The following GPATCH1 variants were observed in gnomAD, a reference collection of about 807,000 sequenced individuals.
The protein encoded by GPATCH1 is G patch domain-containing protein 1.
GPATCH1 carries 73 observed loss-of-function variants against 114.9 expected under a neutral mutation model. The ratio of observed to expected loss-of-function variants is 0.64; its 90% CI spans 0.53 to 0.77. The LOEUF (loss-of-function observed/expected upper bound fraction) is 0.77. Among genes scored for constraint, GPATCH1 ranks in the 30% least tolerant of loss-of-function variants. The probability of loss-of-function intolerance (pLI) is 0.00; values close to 1 mark genes in which losing one functional copy is unlikely to be tolerated. For synonymous variants in GPATCH1, 391 were observed against 428.4 expected (o/e 0.91, Z 1.08); for missense variants, 1,058 against 1,144.3 (o/e 0.92, Z 1.09).
intron 17 of GPATCH1, among the ~76,000 whole-genome samples, chr19:33,123,750 A>T (rs556472399): frequency 3.5e-4 from 53 of 152,278 alleles, no homozygotes; most frequent in African/African-American, 6.3e-4. Flanking sequence ...CCTAAAAAAA[A>T]AAATAAATAA....
At chr19:33,125,717 A>G (rs1973034040) in intron 18 of GPATCH1, among the ~76,000 whole-genome samples, 1 of 152,204 alleles carries the variant, frequency 6.6e-6, no homozygotes. Flanking sequence ...AGCAGAAAAA[A>G]GGGCATTTAG....
intron 17 of GPATCH1, among the ~76,000 whole-genome samples, chr19:33,120,467 T>G (rs1208914926): frequency 1.4e-5 from 2 of 145,612 alleles, no homozygotes; most frequent in African/African-American, 5.1e-5. Context: ...CATTTGAACC[T>G]GAGAGGCAAA....
intron 19 of GPATCH1, among the ~76,000 whole-genome samples, chr19:33,128,566 A>C (rs1973068684): frequency 6.6e-6 from 1 of 151,980 alleles, no homozygotes; most frequent in South Asian, 2.1e-4. Context: ...GGCCTAAAAA[A>C]ATCTTTTTTG....
chr19:33,119,244 T>A, intron 17 of GPATCH1, 127 bp downstream of exon 17: 1 of 526,292 alleles, frequency 1.9e-6, no homozygotes. Flanking sequence ...TCAGTCATAT[T>A]TTAAACCCGT....
chr19:33,094,463 A>C (rs1972633046), intron 5 of GPATCH1, among the ~76,000 whole-genome samples, 194 bp downstream of exon 5: 1 of 152,176 alleles, frequency 6.6e-6, no homozygotes, highest in Non-Finnish European at 1.5e-5. Flanking sequence ...GGCATGTGCC[A>C]CTGCGCCAGG....
At chr19:33,089,915 C>T (rs551246925) in intron 2 of GPATCH1, among the ~76,000 whole-genome samples, 2 of 151,664 alleles carry the variant, frequency 1.3e-5, no homozygotes, top group South Asian at 4.2e-4. Flanking sequence ...CCACCATGCC[C>T]GGCCTTACCA....
intron 15 of GPATCH1, among the ~76,000 whole-genome samples, chr19:33,116,180 C>T (rs1972914361): frequency 1.3e-5 from 2 of 152,156 alleles, no homozygotes; most frequent in Admixed American, 6.5e-5. Flanking sequence ...TCCCTCTATG[C>T]TGTCTTACAT....
At chr19:33,094,686 C>CCCT (rs1972635628) in intron 5 of GPATCH1, among the ~76,000 whole-genome samples, 1 of 152,256 alleles carries the variant, frequency 6.6e-6, no homozygotes, top group African/African-American at 2.4e-5. Context: ...ATGTTTCCTA[C>CCCT]CCTCCCCCAA....
intron 7 of GPATCH1, among the ~76,000 whole-genome samples, chr19:33,096,696 T>G (rs1972664187): frequency 6.6e-6 from 1 of 152,092 alleles, no homozygotes; most frequent in East Asian, 1.9e-4. Flanking sequence ...TGGTGCGATC[T>G]TGGCTTACTG....
intron 4 of GPATCH1, 98 bp downstream of exon 4, chr19:33,093,617 C>A: frequency 1.8e-6 from 2 of 1,112,432 alleles, no homozygotes; most frequent in South Asian, 1.5e-5. Flanking sequence ...GTGAGACAAG[C>A]CTTCTTAGGC....
intron 2 of GPATCH1, 119 bp downstream of exon 2, chr19:33,088,387 C>A: frequency 1.4e-6 from 1 of 738,174 alleles, no homozygotes; most frequent in Non-Finnish European, 2.2e-6. Context: ...CTCTGTCGCC[C>A]AGGCTGGAGT....
intron 14 of GPATCH1, 31 bp from the exon 15 acceptor site, chr19:33,114,222 C>T (rs1333677616): frequency 6.3e-7 from 1 of 1,575,816 alleles, no homozygotes; most frequent in Non-Finnish European, 8.7e-7. Context: ...CTTGCTAATG[C>T]TGGAGTTTAT....
Position 33,109,765 on chromosome 19 carries a change from G to T in GPATCH1, c.1334G>T (p.Arg445Ile). Reference sequence around the variant, plus strand: ...TTTCTGTCCCAAAAAGACAAAGAGAGAATCAAAGAAATGAAGCAGGCAACT... The same window carrying T: ...TTTCTGTCCCAAAAAGACAAAGAGATAATCAAAGAAATGAAGCAGGCAACT... ...LEFLSQKDKERIKEMKQATDL... is the reference protein window; with the variant it reads ...LEFLSQKDKEIIKEMKQATDL... The change falls in exon 11 of 20, where the codon AGA (arginine) becomes ATA (isoleucine). Residue 445 changes from arginine (R) to isoleucine (I), a missense_variant. Transcript: ENST00000170564. 6.3e-7 allele frequency: 1 copy of T among 1,598,740 alleles called. No homozygotes were observed. The highest frequency in any genetic ancestry group is 2.2e-5 in the East Asian group (1 of 44,632).
rs1445366672 is a variant in GPATCH1, at chr19:33,126,451, ACTCT to A, written c.2620-135_2620-132del. 6 of 1,289,134 alleles carry A rather than the reference ACTCT, an allele frequency of 4.7e-6. No individual in the cohort carries two copies. The Admixed American group carries it at 1.6e-4, about 34-fold the overall frequency. 79.9% of individuals were successfully genotyped at this position (1,289,134 alleles called of 1,614,324 possible). A position where few individuals can be genotyped will look rare whatever the true frequency, so the allele number is the denominator to read the frequency against. ...CCCTGTGCTGTCTTGTTAGGCTCTC[ACTCT>A]CACTCACTCTAAATGAGGTTTAAAC... is the stretch of plus-strand genomic sequence containing the variant. On this transcript the variant is annotated intron_variant, in intron 18 of 19. Transcript: ENST00000170564.
intron 5 of GPATCH1, among the ~76,000 whole-genome samples, chr19:33,094,498 G>A (rs145604530): frequency 6.6e-6 from 1 of 152,132 alleles, no homozygotes; most frequent in African/African-American, 2.4e-5. Flanking sequence ...TTTTTGTAGA[G>A]ACGGGGTTTT....
chr19:33,093,826 TTCTGTGTATC>T (rs1238340069), intron 4 of GPATCH1, among the ~76,000 whole-genome samples: 1 of 152,160 alleles, frequency 6.6e-6, no homozygotes, highest in East Asian at 1.9e-4. Flanking sequence ...TACCCTCACT[TTCTGTGTATC>T]TCCTTGTGCT....
chr19:33,118,234 G>A (rs1972938558), intron 16 of GPATCH1, among the ~76,000 whole-genome samples, 193 bp downstream of exon 16: 1 of 143,726 alleles, frequency 7.0e-6, no homozygotes, highest in Non-Finnish European at 1.5e-5. Flanking sequence ...GTGGAGTACA[G>A]TGGCGCAATC....
At position 33,101,426 on chromosome 19, in the gene GPATCH1, A is replaced by G. The variant is rs528921490; in HGVS notation, c.1001-69A>G. On this transcript the variant is annotated intron_variant, in intron 8 of 19. Coordinates refer to ENST00000170564, the MANE Select transcript of GPATCH1 (RefSeq NM_018025.3). Reference sequence around the variant, plus strand: ...ATGTTCTTAGAGATAAGAACGTAAAATGCTGATGTGTTCTGTCTTATTCTA... The same window carrying G: ...ATGTTCTTAGAGATAAGAACGTAAAGTGCTGATGTGTTCTGTCTTATTCTA... 4.7e-6 allele frequency: 4 copies of G among 856,932 alleles called. No individual in the cohort carries two copies. The African/African-American group carries it at 6.7e-5, about 14-fold the overall frequency. 53.1% of individuals were successfully genotyped at this position (856,932 alleles called of 1,614,324 possible).
chr19:33,084,598 G>A (rs756214372), intron 1 of GPATCH1, among the ~76,000 whole-genome samples: 42 of 150,476 alleles, frequency 2.8e-4, no homozygotes, highest in Admixed American at 1.0e-3. Context: ...TCCATCTTCC[G>A]CTCATTCCTT....
Sources: gnomAD v4.1 joint callset for allele counts (sites outside exome capture counted in the v4.1 genomes callset) on GRCh38, gnomAD v4.1.1 for gene constraint, MANE v1.5 for transcripts, NCBI Gene and HGNC (gene_info 2026-07-23, HGNC 2026-07-21) for gene names.